The following LCORL variants were observed in gnomAD, a reference collection of about 807,000 sequenced individuals.
LCORL encodes the protein ligand dependent nuclear receptor corepressor like.
A neutral mutation model predicts 141.8 loss-of-function variants in LCORL; 41 were observed. The ratio of observed to expected loss-of-function variants is 0.29; its 90% CI spans 0.23 to 0.38. LCORL has a LOEUF of 0.38. Ranked by LOEUF, LCORL falls within the 10% of genes least tolerant of loss-of-function variation. The pLI, the probability that LCORL is intolerant of heterozygous loss-of-function variation, is 1.00. For missense variants in LCORL, 1,759 were observed against 2,035.0 expected (o/e 0.86, Z 2.61); for synonymous variants, 618 against 694.1 (o/e 0.89, Z 1.72).
intron 4 of LCORL, among the ~76,000 whole-genome samples, chr4:17,917,283 C>G (rs1733599926): frequency 6.6e-6 from 1 of 152,154 alleles, no homozygotes; most frequent in Admixed American, 6.5e-5. Context: ...CACTCTGCCT[C>G]CTGGGTTCAA....
exon 7 of LCORL, chr4:17,875,814 T>C: frequency 8.1e-7 from 1 of 1,231,252 alleles, no homozygotes; most frequent in South Asian, 4.1e-5. Context: ...AGGTTCTTCT[T>C]GTGGCTTATC....
At chr4:17,980,971 T>C (rs1165279935) in intron 1 of LCORL, among the ~76,000 whole-genome samples, 1 of 152,184 alleles carries the variant, frequency 6.6e-6, no homozygotes, top group East Asian at 1.9e-4. Flanking sequence ...TTCACAAAAC[T>C]GGTCCCTGGT....
intron 4 of LCORL, among the ~76,000 whole-genome samples, chr4:17,910,241 A>G (rs1487921005): frequency 6.6e-6 from 1 of 152,212 alleles, no homozygotes; most frequent in Non-Finnish European, 1.5e-5. Context: ...ACAGTGCACA[A>G]TAGCGATACA....
chr4:17,954,035 C>T (rs1372372915), intron 4 of LCORL, among the ~76,000 whole-genome samples: 8 of 151,978 alleles, frequency 5.3e-5, no homozygotes, highest in South Asian at 2.1e-4. Context: ...TGGTGGCGGG[C>T]GCCTGTAATC....
At chr4:17,963,039 T>C in exon 3 of LCORL, 3 of 1,586,834 alleles carry the variant, frequency 1.9e-6, no homozygotes, top group Non-Finnish European at 2.6e-6. Flanking sequence ...TCAGCTCTTC[T>C]GGTTCACAGT....
At chr4:17,942,072 C>T (rs990778376) in intron 4 of LCORL, among the ~76,000 whole-genome samples, 2 of 152,080 alleles carry the variant, frequency 1.3e-5, no homozygotes, top group Admixed American at 6.6e-5. Context: ...CAGTATGGTA[C>T]TCAAGAAATG....
chr4:17,927,089 T>C (rs1272664430), intron 4 of LCORL, among the ~76,000 whole-genome samples: 1 of 152,220 alleles, frequency 6.6e-6, no homozygotes, highest in Admixed American at 6.5e-5. Flanking sequence ...TCAAAGACCT[T>C]AGCTAGACCT....
chr4:18,011,258 A>G (rs1370798640), intron 1 of LCORL, among the ~76,000 whole-genome samples: 1 of 152,186 alleles, frequency 6.6e-6, no homozygotes, highest in Non-Finnish European at 1.5e-5. Context: ...GAATGTCTTA[A>G]TACATTCAAG....
At chr4:18,012,527 C>A (rs1023228547) in intron 1 of LCORL, among the ~76,000 whole-genome samples, 3 of 152,072 alleles carry the variant, frequency 2.0e-5, no homozygotes, top group African/African-American at 7.2e-5. Context: ...AAAATTATAC[C>A]CCCAAGCAAT....
intron 4 of LCORL, among the ~76,000 whole-genome samples, chr4:17,946,481 T>G (rs1240501887): frequency 6.6e-6 from 1 of 152,016 alleles, no homozygotes; most frequent in African/African-American, 2.4e-5. Context: ...TGTTGAAGAG[T>G]ATGTTATGTT....
chr4:17,927,120 T>C (rs1009536520), intron 4 of LCORL, among the ~76,000 whole-genome samples: 1 of 152,222 alleles, frequency 6.6e-6, no homozygotes, highest in African/African-American at 2.4e-5. Flanking sequence ...CTGCTGCAGC[T>C]TCCGTATCAG....
At chr4:18,007,170 T>A (rs1302965314) in intron 1 of LCORL, among the ~76,000 whole-genome samples, 5 of 152,196 alleles carry the variant, frequency 3.3e-5, no homozygotes, top group African/African-American at 9.6e-5. Context: ...ACTCCCATGC[T>A]TAAAATTCTT....
At chr4:17,946,027 T>A (rs896197423) in intron 4 of LCORL, among the ~76,000 whole-genome samples, 3 of 151,306 alleles carry the variant, frequency 2.0e-5, no homozygotes, top group African/African-American at 7.3e-5. Context: ...TTCTGAGGAG[T>A]TTAAAAAAAC....
Position 17,955,384 on chromosome 4 carries a change from G to A in LCORL, c.430+6519C>T, listed in dbSNP as rs148654285. On this transcript the variant is annotated intron_variant, in intron 4 of 7. Coordinates refer to ENST00000635767, the Ensembl canonical transcript of LCORL. ...GGATGGATTGAAAAGAGAAGGGAAG[G>A]TGGAAAGTGGAGATGGCAAAAGTAT... Among the ~76,000 whole-genome samples, 13 of 152,224 alleles carry A rather than the reference G, an allele frequency of 8.5e-5. No homozygotes were observed. The East Asian group carries it at 2.5e-3, about 29-fold the overall frequency.
intron 4 of LCORL, among the ~76,000 whole-genome samples, chr4:17,919,093 C>A (rs1055419765): frequency 6.6e-6 from 1 of 151,652 alleles, no homozygotes; most frequent in African/African-American, 2.4e-5. Flanking sequence ...TAAAAAAACA[C>A]AAAAGATTAT....
At chr4:17,971,797 T>C (rs1716000436) in intron 2 of LCORL, among the ~76,000 whole-genome samples, 1 of 151,704 alleles carries the variant, frequency 6.6e-6, no homozygotes, top group South Asian at 2.1e-4. Flanking sequence ...TTAAAAAATT[T>C]ATAAGCAGTA....
At chr4:17,920,571 G>A (rs1222656255) in intron 4 of LCORL, among the ~76,000 whole-genome samples, 1 of 152,110 alleles carries the variant, frequency 6.6e-6, no homozygotes, top group African/African-American at 2.4e-5. Context: ...CTGCTTTCAG[G>A]AAACATTCCT....
At chr4:17,912,477 G>C (rs1300975197) in intron 4 of LCORL, 6 of 535,634 alleles carry the variant, frequency 1.1e-5, no homozygotes, top group Non-Finnish European at 2.2e-5. Flanking sequence ...AGCTGGCTCA[G>C]AAGAACCGAC....
At chr4:17,991,823 C>A (rs1382503609) in intron 1 of LCORL, among the ~76,000 whole-genome samples, 1 of 152,124 alleles carries the variant, frequency 6.6e-6, no homozygotes, top group Admixed American at 6.5e-5. Flanking sequence ...CAAATATTTT[C>A]TAATACCCGC....
Sources: gnomAD v4.1 joint callset for allele counts (sites outside exome capture counted in the v4.1 genomes callset) on GRCh38, gnomAD v4.1.1 for gene constraint, MANE v1.5 for transcripts, NCBI Gene and HGNC (gene_info 2026-07-23, HGNC 2026-07-21) for gene names.